Variants in PSTPIP1 observed in about 807,000 individuals in gnomAD.
The protein encoded by PSTPIP1 is proline-serine-threonine phosphatase-interacting protein 1.
In PSTPIP1, 66 loss-of-function variants were observed where a neutral mutation model predicts 69.6. The observed-to-expected ratio is 0.95, with a 90% CI of 0.78 to 1.16. The LOEUF (loss-of-function observed/expected upper bound fraction) is 1.16. Ranked by LOEUF, PSTPIP1 falls within the 50% of genes most tolerant of loss-of-function variation. The pLI, the probability that PSTPIP1 is intolerant of heterozygous loss-of-function variation, is 0.00. For synonymous variants in PSTPIP1, 266 were observed against 222.7 expected (o/e 1.19, Z -1.73); for missense variants, 603 against 557.4 (o/e 1.08, Z -0.82).
chr15:77,029,636 C>A, intron 8 of PSTPIP1, 62 bp downstream of exon 8: 1 of 1,481,046 alleles, frequency 6.8e-7, no homozygotes, highest in Non-Finnish European at 9.2e-7. Context: ...TCCCCACACA[C>A]ACCTCCTCAC....
At chr15:77,028,413 C>A (rs764046395) in intron 6 of PSTPIP1, 141 bp from the exon 7 acceptor site, 8 of 635,406 alleles carry the variant, frequency 1.3e-5, no homozygotes, top group African/African-American at 1.9e-5. Context: ...ACCCCCAGAT[C>A]CCTGTCCCTG....
rs139552419 is a variant in PSTPIP1 at position 77,035,569 on chromosome 15, G to C, written c.985+6G>C. The C allele has an allele frequency of 3.4e-4, 539 of 1,575,858 alleles. 2 individuals carry two copies. In the African/African-American group the frequency reaches 6.4e-3, roughly 19 times the overall value. ...TTCGTTGGCAGCTTCTGCTGGTAAA[G>C]GGGGTCAGGAGGGGACCCCCAAACA... On this transcript the variant is annotated splice_donor_region_variant and intron_variant, in intron 13 of 14. Transcript: ENST00000558012.
intron 1 of PSTPIP1, among the ~76,000 whole-genome samples, chr15:77,015,064 A>G (rs1425414812): frequency 1.3e-5 from 2 of 152,220 alleles, no homozygotes; most frequent in Non-Finnish European, 2.9e-5. Context: ...TGGGTTACCC[A>G]GAGCCGCACT....
At chr15:77,000,812 A>T (rs921353227) in intron 1 of PSTPIP1, among the ~76,000 whole-genome samples, 6 of 152,234 alleles carry the variant, frequency 3.9e-5, no homozygotes, top group African/African-American at 1.4e-4. Flanking sequence ...GAGTGCTGGG[A>T]TTACAGGCGT....
chr15:77,013,181 T>A (rs529770733), intron 1 of PSTPIP1, among the ~76,000 whole-genome samples: 1 of 152,318 alleles, frequency 6.6e-6, no homozygotes, highest in Non-Finnish European at 1.5e-5. Context: ...TGCTGCTACG[T>A]CTTGCTTCCC....
Position 77,025,319 on chromosome 15 carries a change from G to C in PSTPIP1, c.247+1G>C. On this transcript the variant is annotated splice_donor_variant, in intron 4 of 14. Coordinates refer to ENST00000558012, the MANE Select transcript of PSTPIP1 (RefSeq NM_003978.5). LOFTEE classifies it high-confidence loss of function. ...GCCTCCTTTGACTCCTTGAAGCAGC[G>C]TAAGTCCCCTACCCTGGGGCAATGG... 1.9e-6 allele frequency: 3 copies of C among 1,609,084 alleles called. No individual in the cohort carries two copies. Among genetic ancestry groups the C allele is most frequent in the Non-Finnish European group, 1.7e-6 (2 of 1,175,576 alleles).
In PSTPIP1 at chr15:77,018,444, C is replaced by CTT; in HGVS notation, c.138-6_138-5dup. 1.3e-6 allele frequency: 2 copies of CTT among 1,566,878 alleles called. No homozygotes were observed. The highest frequency in any genetic ancestry group is 8.7e-7 in the Non-Finnish European group (1 of 1,155,278). On this transcript the variant is annotated splice_polypyrimidine_tract_variant and intron_variant, in intron 2 of 14. Transcript: ENST00000558012. ...AGTCACTGATGATCTTTCAAATGCC[C>CTT]TTTTTTTTGCAGGGCCCAGGCGGAG...
intron 1 of PSTPIP1, among the ~76,000 whole-genome samples, chr15:77,004,146 G>A (rs1407157240): frequency 6.6e-6 from 1 of 152,266 alleles, no homozygotes; most frequent in Non-Finnish European, 1.5e-5. Flanking sequence ...TGGAAGGAAT[G>A]TGGGCCTGGG....
intron 14 of PSTPIP1, 22 bp downstream of exon 14, chr15:77,035,957 C>T (rs2076560907): frequency 1.3e-6 from 2 of 1,568,762 alleles, no homozygotes; most frequent in Non-Finnish European, 1.7e-6. Context: ...ATACCCCAAA[C>T]CCACCTGTGC....
In PSTPIP1 at chr15:77,009,648, T is replaced by G. The variant is rs1367725212; in HGVS notation, c.37-8500T>G. Among the ~76,000 whole-genome samples, 3 of 152,124 alleles carry G rather than the reference T, an allele frequency of 2.0e-5. No homozygotes were observed. The South Asian group carries it at 6.2e-4, about 31-fold the overall frequency. On this transcript the variant is annotated intron_variant, in intron 1 of 14. Transcript: ENST00000558012. ...GGAGCCCGGTGAGCGTCAAATGCCC[T>G]GCATGAGGCTCCTGCAGGTGTTGTC... is the stretch of plus-strand genomic sequence containing the variant.
At chr15:76,998,073 A>G (rs929471871) in intron 1 of PSTPIP1, among the ~76,000 whole-genome samples, 4 of 152,200 alleles carry the variant, frequency 2.6e-5, no homozygotes, top group Non-Finnish European at 4.4e-5. Flanking sequence ...CCCTGTCTCT[A>G]CTAAAAATAC....
Position 77,037,403 on chromosome 15 carries a change from A to G in PSTPIP1, c.*227A>G. 2.1e-6 allele frequency: 1 copy of G among 477,530 alleles called. No individual in the cohort carries two copies. The highest frequency in any genetic ancestry group is 4.4e-5 in the East Asian group (1 of 22,946). The allele number at this position is 477,530 out of a possible 1,614,324, so 29.6% of individuals were successfully genotyped here. Reference sequence around the variant, plus strand: ...CCGAGTGCTCAGTTCAGAGGAGGCAAAGGAACAAGGGAAGGAGCCTGGATG... The same window carrying G: ...CCGAGTGCTCAGTTCAGAGGAGGCAGAGGAACAAGGGAAGGAGCCTGGATG... On this transcript the variant is annotated 3_prime_UTR_variant, in exon 15 of 15. Coordinates refer to ENST00000558012, the MANE Select transcript of PSTPIP1 (RefSeq NM_003978.5).
chr15:77,028,401 G>A, intron 6 of PSTPIP1, 153 bp from the exon 7 acceptor site: 1 of 597,724 alleles, frequency 1.7e-6, no homozygotes, highest in South Asian at 2.3e-5. Context: ...ATCTCCTTCC[G>A]GACCCCCAGA....
chr15:77,037,128 G>C lies in PSTPIP1; in HGVS notation c.1203G>C (p.Arg401Ser). The change falls in exon 15 of 15, where the codon AGG becomes AGC. Residue 401 changes from arginine to serine, a missense_variant. Physicochemically the swap from Arg to Ser is moderately radical, Grantham distance 110. Coordinates refer to ENST00000558012, the MANE Select transcript of PSTPIP1 (RefSeq NM_003978.5). ...EGEDGWWTVE[R>S]NGQRGFVPGS... is the part of the protein sequence containing the mutation. Reference sequence around the variant, plus strand: ...AGGATGGCTGGTGGACTGTGGAGAGGAACGGGCAGCGTGGCTTCGTCCCTG... The same window carrying C: ...AGGATGGCTGGTGGACTGTGGAGAGCAACGGGCAGCGTGGCTTCGTCCCTG... 6 of 1,612,294 alleles carry C rather than the reference G, an allele frequency of 3.7e-6. No homozygotes were observed. The highest frequency in any genetic ancestry group is 2.2e-5 in the South Asian group (2 of 91,074).
intron 1 of PSTPIP1, among the ~76,000 whole-genome samples, chr15:77,005,242 C>G (rs2075792839): frequency 6.6e-6 from 1 of 152,074 alleles, no homozygotes; most frequent in African/African-American, 2.4e-5. Context: ...AAAATGTAGC[C>G]AGGTATGGTG....
chr15:77,008,629 C>A (rs750545421), intron 1 of PSTPIP1, among the ~76,000 whole-genome samples: 1 of 152,162 alleles, frequency 6.6e-6, no homozygotes, highest in Non-Finnish European at 1.5e-5. Context: ...AGGCTTGTCT[C>A]GCACTCCTGA....
In PSTPIP1 at chr15:77,029,563, C is replaced by T. The variant is rs2076365045; in HGVS notation, c.551C>T (p.Ala184Val). Residue 184 changes from alanine to valine, a missense_variant, in exon 8 of 15, where the codon GCC becomes GTC. Physicochemically the swap from Ala to Val is moderately conservative, Grantham distance 64. Coordinates refer to ENST00000558012, the MANE Select transcript of PSTPIP1 (RefSeq NM_003978.5). Reference sequence around the variant, plus strand: ...AAAGCCAGGCAGTGCAAGGACTCGGCCACCGAGGCAGGTATGTGGGCCTGG... The same window carrying T: ...AAAGCCAGGCAGTGCAAGGACTCGGTCACCGAGGCAGGTATGTGGGCCTGG... ...QNKARQCKDS[A>V]TEAERVYRQS... 2 of 1,582,140 alleles carry T rather than the reference C, an allele frequency of 1.3e-6. No homozygotes were observed. Among genetic ancestry groups the T allele is most frequent in the Non-Finnish European group, 1.7e-6 (2 of 1,165,148 alleles).
rs2075544440 is a variant in PSTPIP1 at position 76,995,146 on chromosome 15, C to T, written c.-428C>T. ...TGCACAAACCTTCCTGCGCAGGCCT[C>T]GGGCTGCCTGCCTGCCTGCCTGCCT... On this transcript the variant is annotated 5_prime_UTR_variant, in exon 1 of 15. Transcript: ENST00000558012. 1.7e-5 allele frequency: 20 copies of T among 1,181,068 alleles called. No homozygotes were observed. The highest frequency in any genetic ancestry group is 7.9e-5 in the Admixed American group (2 of 25,292). The allele number at this position is 1,181,068 out of a possible 1,614,324, so 73.2% of individuals were successfully genotyped here.
Position 76,995,498 on chromosome 15 carries a change from C to T in PSTPIP1, c.-76C>T. The T allele has an allele frequency of 6.2e-7, 1 of 1,611,164 alleles. No individual in the cohort carries two copies. Among genetic ancestry groups the T allele is most frequent in the Non-Finnish European group, 8.5e-7 (1 of 1,178,832 alleles). On this transcript the variant is annotated 5_prime_UTR_variant, in exon 1 of 15. Coordinates refer to ENST00000558012, the MANE Select transcript of PSTPIP1 (RefSeq NM_003978.5). ...GGCCAGCCCTGCCAGGACTGGGACG[C>T]TGCTGCTGGCGCCTGGCCCTCCATC...
Sources: gnomAD v4.1 joint callset for allele counts (sites outside exome capture counted in the v4.1 genomes callset) on GRCh38, gnomAD v4.1.1 for gene constraint, MANE v1.5 for transcripts, NCBI Gene and HGNC (gene_info 2026-07-23, HGNC 2026-07-21) for gene names.